DDX6: variants seen among roughly 807,000 people sequenced by gnomAD.
DDX6 encodes the protein probable ATP-dependent RNA helicase DDX6.
In DDX6, 7 loss-of-function variants were observed where a neutral mutation model predicts 60.6. That is an observed-to-expected ratio of 0.12 (90% CI 0.07 to 0.22). DDX6 has a LOEUF of 0.22. Among genes scored for constraint, DDX6 ranks in the 10% least tolerant of loss-of-function variants. The pLI, the probability that DDX6 is intolerant of heterozygous loss-of-function variation, is 1.00. For synonymous variants in DDX6, 207 were observed against 201.0 expected (o/e 1.03, Z -0.25); for missense variants, 270 against 589.9 (o/e 0.46, Z 5.62).
intron 3 of DDX6, among the ~76,000 whole-genome samples, chr11:118,780,547 C>T (rs1861861920): frequency 6.6e-6 from 1 of 152,166 alleles, no homozygotes; most frequent in African/African-American, 2.4e-5. Context: ...GAACTCCTGA[C>T]CTCAGGTGAT....
At chr11:118,782,457 C>T (rs533228440) in intron 2 of DDX6, among the ~76,000 whole-genome samples, 22 of 151,616 alleles carry the variant, frequency 1.5e-4, no homozygotes, top group Admixed American at 2.0e-4. Flanking sequence ...AAGTATTTAA[C>T]TGTGACATCT....
intron 1 of DDX6, chr11:118,790,890 C>G (rs997837644): frequency 6.5e-6 from 1 of 152,784 alleles, no homozygotes; most frequent in Non-Finnish European, 1.5e-5. Flanking sequence ...GTCCTACCAA[C>G]GAGGCCACTC....
intron 4 of DDX6, among the ~76,000 whole-genome samples, chr11:118,770,795 C>G (rs1421911556): frequency 6.6e-6 from 1 of 151,104 alleles, no homozygotes; most frequent in African/African-American, 2.4e-5. Context: ...GGTAGGAGAA[C>G]TGCTTGAGCC....
rs1555158321 is a variant in DDX6, at chr11:118,754,769, A to G, written c.1395T>C (p.Asp465=). The G allele has an allele frequency of 6.2e-7, 1 of 1,613,646 alleles. No individual in the cohort carries two copies. Among genetic ancestry groups the G allele is most frequent in the Non-Finnish European group, 8.5e-7 (1 of 1,179,848 alleles). ...TEIKPIPSNI[D]KSLYVAEYHS... The stretch of plus-strand genomic sequence containing the variant: ...GGTATTCTGCCACATACAGGCTCTT[A>G]TCAATGTTGCTCGGAATAGGTTTAA... The change falls in exon 13 of 14, where the codon GAT becomes GAC. Residue 465 remains aspartate, a synonymous_variant. Coordinates refer to ENST00000534980, the MANE Select transcript of DDX6 (RefSeq NM_004397.6).
chr11:118,758,008 G>A (rs1477012894), intron 9 of DDX6, among the ~76,000 whole-genome samples: 1 of 152,096 alleles, frequency 6.6e-6, no homozygotes, highest in African/African-American at 2.4e-5. Context: ...TGAAAAACAT[G>A]GCAGACTGTG....
chr11:118,758,707 T>C (rs563123633), intron 9 of DDX6, 67 bp downstream of exon 9: 31 of 1,575,200 alleles, frequency 2.0e-5, no homozygotes, highest in African/African-American at 2.7e-5. Context: ...GGTGGGAAAA[T>C]TGATGAAATC....
At chr11:118,755,547 GTC>G (rs1387080990) in intron 11 of DDX6, 44 bp from the exon 12 acceptor site, 1 of 1,098,016 alleles carries the variant, frequency 9.1e-7, no homozygotes, top group Non-Finnish European at 1.4e-6. Context: ...ATTTAGAAAT[GTC>G]TCTCAGTACA....
intron 1 of DDX6, chr11:118,787,452 G>C (rs1040158492): frequency 6.6e-6 from 1 of 151,308 alleles, no homozygotes; most frequent in Non-Finnish European, 1.5e-5. Context: ...CTCAGCGACA[G>C]AGCCAGACTC....
intron 1 of DDX6, 70 bp from the exon 2 acceptor site, chr11:118,786,588 C>G (rs487177): frequency 0.23 from 48,531 of 214,830 alleles, 5,793 homozygotes; most frequent in South Asian, 0.32. Flanking sequence ...TAAAAGAACC[C>G]CTTTAAAAGA....
rs140577319 is a variant in DDX6, at chr11:118,779,112, G to A, written c.369+520C>T. On this transcript the variant is annotated intron_variant, in intron 4 of 13. Transcript: ENST00000534980. ...TCAAGGCTGCAGTGAGCCGAGATCA[G>A]GCCACTGAACTCCAGCCTGGGTGAC... Among the ~76,000 whole-genome samples, 66 of 145,844 alleles carry A rather than the reference G, an allele frequency of 4.5e-4. 1 individual carries two copies. In the East Asian group the frequency reaches 0.013, roughly 28 times the overall value.
chr11:118,754,360 T>C (rs1555158205), intron 13 of DDX6, among the ~76,000 whole-genome samples: 1 of 152,198 alleles, frequency 6.6e-6, no homozygotes, highest in African/African-American at 2.4e-5. Flanking sequence ...TGAGCTATGA[T>C]TGCACCACTG....
intron 8 of DDX6, 70 bp downstream of exon 8, chr11:118,759,852 G>A: frequency 1.3e-6 from 2 of 1,492,236 alleles, no homozygotes; most frequent in Non-Finnish European, 1.8e-6. Flanking sequence ...ATATGAAGAT[G>A]TAATTACAAA....
intron 5 of DDX6, chr11:118,768,004 A>C (rs1861413218): frequency 2.1e-6 from 1 of 465,586 alleles, no homozygotes; most frequent in African/African-American, 2.0e-5. Flanking sequence ...ACAAGTGTGT[A>C]TCATATAAGA....
In DDX6 at chr11:118,760,036, C is replaced by T. The variant is rs1555159826; in HGVS notation, c.750G>A (p.Lys250=). The part of the protein sequence containing the change: ...VQMIVLDEAD[K]LLSQDFVQIM... ...TCTGCACAAAATCCTGTGACAGCAA[C>T]TTATCTGCCTGCAGTAGAAAGAAAA... The change falls in exon 8 of 14, where the codon AAG becomes AAA. Residue 250 remains lysine, a synonymous_variant. Coordinates refer to ENST00000534980, the MANE Select transcript of DDX6 (RefSeq NM_004397.6). 1 of 1,611,992 alleles carries T rather than the reference C, an allele frequency of 6.2e-7. No individual in the cohort carries two copies. The highest frequency in any genetic ancestry group is 1.1e-5 in the South Asian group (1 of 90,606).
chr11:118,777,897 G>GGAA (rs529897012), intron 4 of DDX6, among the ~76,000 whole-genome samples: 2 of 99,650 alleles, frequency 2.0e-5, no homozygotes, highest in East Asian at 3.0e-4. Flanking sequence ...TCAAAAAAGA[G>GGAA]AAAAAAAAAA....
chr11:118,789,433 G>GC (rs1862192587), intron 1 of DDX6: 1 of 151,922 alleles, frequency 6.6e-6, no homozygotes, highest in Non-Finnish European at 1.5e-5. Context: ...GATTCTTTCT[G>GC]CCATACACCA....
intron 2 of DDX6, among the ~76,000 whole-genome samples, chr11:118,782,156 C>A (rs4936435): frequency 1 from 152,328 of 152,328 alleles, 76,164 homozygotes; most frequent in Non-Finnish European, 1. Context: ...AGATCCTGCG[C>A]CAGAGCAAGG....
chr11:118,786,091 C>T lies in DDX6; in HGVS notation c.161G>A (p.Gly54Asp), dbSNP rs776511875. Residue 54 changes from glycine (G) to aspartate (D), a missense_variant, in exon 2 of 14, where the codon GGC becomes GAC. By Grantham distance (94) the Gly-to-Asp change is moderately conservative. Transcript: ENST00000534980. ...CATACTCTGTGCTTGCTGCTGAGTG[C>T]CATTATTGATTGTGTTGGTGTTTTT... ...QLKNTNTINN[G>D]TQQQAQSMTT... The T allele has an allele frequency of 1.9e-6, 3 of 1,613,758 alleles. No homozygotes were observed. The highest frequency in any genetic ancestry group is 1.3e-5 in the African/African-American group (1 of 74,880).
chr11:118,779,018 G>A (rs531474626), intron 4 of DDX6, among the ~76,000 whole-genome samples: 1 of 152,010 alleles, frequency 6.6e-6, no homozygotes, highest in Non-Finnish European at 1.5e-5. Flanking sequence ...TTAGCCGGGT[G>A]TTGTGGCACA....
Sources: allele counts gnomAD v4.1 joint callset (sites outside exome capture counted in the v4.1 genomes callset), GRCh38; gene constraint gnomAD v4.1.1; transcripts MANE v1.5; gene names NCBI Gene and HGNC (gene_info 2026-07-23, HGNC 2026-07-21).